Variants in NEMF observed in about 807,000 individuals in gnomAD.
NEMF encodes the protein nuclear export mediator factor, also known as ribosome quality control complex subunit NEMF.
NEMF carries 89 observed loss-of-function variants against 162.2 expected under a neutral mutation model. The ratio of observed to expected loss-of-function variants is 0.55; its 90% CI spans 0.46 to 0.65. The LOEUF (loss-of-function observed/expected upper bound fraction) is 0.65. NEMF is among the 30% of genes least tolerant of loss of function. NEMF has a pLI of 0.00. For missense variants in NEMF, 1,133 were observed against 1,261.9 expected (o/e 0.90, Z 1.55); for synonymous variants, 421 against 404.5 (o/e 1.04, Z -0.49).
intron 26 of NEMF, among the ~76,000 whole-genome samples, chr14:49,794,496 TAC>T (rs1394094710): frequency 6.6e-6 from 1 of 151,890 alleles, no homozygotes; most frequent in Non-Finnish European, 1.5e-5. Context: ...TGGTCCCAGC[TAC>T]TTAGGAGGCT....
In NEMF at chr14:49,846,895, C is replaced by T. The variant is rs191362775; in HGVS notation, c.232-630G>A. Among the ~76,000 whole-genome samples the T allele has an allele frequency of 7.2e-3, 1,090 of 152,242 alleles. 5 individuals are homozygous for T. The highest frequency in any genetic ancestry group is 8.7e-3 in the Non-Finnish European group (591 of 68,006). On this transcript the variant is annotated intron_variant, in intron 3 of 32. Transcript: ENST00000298310. ...ATAAGCCACAACCTTTATTTATTTACTTTATTTTGAGAGAGAGTCTCGCTC... is the reference window on the plus strand; with the variant it reads ...ATAAGCCACAACCTTTATTTATTTATTTTATTTTGAGAGAGAGTCTCGCTC...
chr14:49,828,094 AT>A (rs1290388762), intron 15 of NEMF, among the ~76,000 whole-genome samples, 196 bp downstream of exon 15: 1 of 152,222 alleles, frequency 6.6e-6, no homozygotes, highest in Non-Finnish European at 1.5e-5. Context: ...TGAAGGTGTT[AT>A]TTACTGAGAT....
At chr14:49,848,378 A>G (rs1740898182) in intron 3 of NEMF, among the ~76,000 whole-genome samples, 1 of 152,024 alleles carries the variant, frequency 6.6e-6, no homozygotes, top group Non-Finnish European at 1.5e-5. Context: ...GGCAATACCT[A>G]CTCTTTTAGA....
At chr14:49,834,832 T>C (rs1197964991) in intron 6 of NEMF, among the ~76,000 whole-genome samples, 1 of 152,348 alleles carries the variant, frequency 6.6e-6, no homozygotes, top group East Asian at 1.9e-4. Flanking sequence ...CCAATATCAA[T>C]GATCTACTCA....
At chr14:49,796,704 G>A (rs145607754) in intron 25 of NEMF, among the ~76,000 whole-genome samples, 3 of 152,088 alleles carry the variant, frequency 2.0e-5, no homozygotes, top group Non-Finnish European at 4.4e-5. Context: ...CATTCTCTTC[G>A]TATCACTTTA....
rs1459395235 is a variant in NEMF, at chr14:49,782,978, CA to C, written c.*1657del. The stretch of plus-strand genomic sequence containing the variant: ...AGGCTTCATAAATAATGCCTATGAT[CA>C]CCTTGCATGGACAGCAATCCTGTAA... On this transcript the variant is annotated 3_prime_UTR_variant, in exon 33 of 33. Transcript: ENST00000298310. 6.2e-7 allele frequency: 1 copy of C among 1,605,730 alleles called. No individual in the cohort carries two copies.
intron 26 of NEMF, among the ~76,000 whole-genome samples, chr14:49,791,443 T>C (rs1476462189): frequency 6.7e-6 from 1 of 149,810 alleles, no homozygotes. Context: ...TGTGTGCTTA[T>C]AAAAATTCAC....
At chr14:49,829,556 T>A in intron 11 of NEMF, 130 bp from the exon 12 acceptor site, 2 of 737,980 alleles carry the variant, frequency 2.7e-6, no homozygotes, top group Non-Finnish European at 4.5e-6. Context: ...GTTCCCATAG[T>A]CTACCACCCT....
chr14:49,790,621 A>G (rs1325439918), intron 26 of NEMF, among the ~76,000 whole-genome samples: 1 of 152,202 alleles, frequency 6.6e-6, no homozygotes, highest in Admixed American at 6.5e-5. Context: ...TAATAAAGGC[A>G]AACAACATGT....
At chr14:49,840,490 C>T (rs1893146609) in intron 5 of NEMF, among the ~76,000 whole-genome samples, 1 of 151,120 alleles carries the variant, frequency 6.6e-6, no homozygotes, top group Middle Eastern at 3.4e-3. Flanking sequence ...TAAGGACATA[C>T]ATTTGCCTCT....
intron 15 of NEMF, among the ~76,000 whole-genome samples, chr14:49,827,199 T>C (rs1160988838): frequency 6.6e-6 from 1 of 152,180 alleles, no homozygotes; most frequent in Non-Finnish European, 1.5e-5. Flanking sequence ...TTTTAATATA[T>C]TTTTTGAGAC....
At chr14:49,844,923 C>G (rs1207635396) in intron 4 of NEMF, 1 of 215,208 alleles carries the variant, frequency 4.6e-6, no homozygotes, top group African/African-American at 2.3e-5. Context: ...CACGCACCAC[C>G]ACACCAGGCT....
Position 49,809,393 on chromosome 14 carries a change from C to T in NEMF, c.1745-3260G>A, listed in dbSNP as rs1231865769. On this transcript the variant is annotated intron_variant, in intron 18 of 32. Transcript: ENST00000298310. ...ATGGAGGAAAGGTAAAAGCATACTA[C>T]TAAGTGAAGAAGCCAGCCTTTAAAG... 2.0e-5 allele frequency among the ~76,000 whole-genome samples: 3 copies of T among 152,174 alleles called. No homozygotes were observed. In the East Asian group the frequency reaches 5.8e-4, roughly 29 times the overall value.
At chr14:49,841,877 G>A (rs1325593782) in intron 4 of NEMF, among the ~76,000 whole-genome samples, 6 of 151,982 alleles carry the variant, frequency 3.9e-5, no homozygotes, top group African/African-American at 7.2e-5. Flanking sequence ...AGGCTGAGGC[G>A]GGCAGATCAC....
intron 3 of NEMF, among the ~76,000 whole-genome samples, chr14:49,847,633 T>A (rs1594812382): frequency 6.6e-6 from 1 of 152,026 alleles, no homozygotes; most frequent in South Asian, 2.1e-4. Flanking sequence ...ATATCAACTA[T>A]GGACCATGAG....
intron 14 of NEMF, 66 bp from the exon 15 acceptor site, chr14:49,828,420 T>G (rs1437318817): frequency 7.2e-6 from 8 of 1,111,428 alleles, no homozygotes; most frequent in Non-Finnish European, 1.0e-5. Flanking sequence ...TACTTAGTTC[T>G]AACTTGACAA....
intron 18 of NEMF, among the ~76,000 whole-genome samples, chr14:49,812,445 C>T (rs1287459447): frequency 6.6e-6 from 1 of 152,080 alleles, no homozygotes; most frequent in African/African-American, 2.4e-5. Context: ...TTTCTTCCTT[C>T]TCCTTGCTTT....
intron 16 of NEMF, 42 bp from the exon 17 acceptor site, chr14:49,814,899 T>C: frequency 1.8e-6 from 2 of 1,131,528 alleles, no homozygotes; most frequent in Non-Finnish European, 2.6e-6. Context: ...TCTTTATAGC[T>C]GCCTGAATTC....
intron 29 of NEMF, chr14:49,786,370 T>C: frequency 5.0e-6 from 1 of 199,962 alleles, no homozygotes; most frequent in Non-Finnish European, 1.0e-5. Context: ...TGAATAAACT[T>C]AGATTTAGGA....
Sources: gnomAD v4.1 joint callset for allele counts (sites outside exome capture counted in the v4.1 genomes callset) on GRCh38, gnomAD v4.1.1 for gene constraint, MANE v1.5 for transcripts, NCBI Gene and HGNC (gene_info 2026-07-23, HGNC 2026-07-21) for gene names.